The following CNTNAP2 variants were observed in gnomAD, a reference collection of about 807,000 sequenced individuals.
CNTNAP2 encodes contactin-associated protein-like 2.
CNTNAP2 carries 98 observed loss-of-function variants against 155.2 expected under a neutral mutation model. That is an observed-to-expected ratio of 0.63 (90% confidence interval 0.54 to 0.75). The LOEUF (loss-of-function observed/expected upper bound fraction) is 0.75. Among genes scored for constraint, CNTNAP2 ranks in the 30% least tolerant of loss-of-function variants. The pLI is 0.00. For synonymous variants in CNTNAP2, 651 were observed against 631.2 expected (o/e 1.03, Z -0.47); for missense variants, 1,727 against 1,688.1 (o/e 1.02, Z -0.40).
intron 1 of CNTNAP2, among the ~76,000 whole-genome samples, chr7:146,365,195 A>C (rs1157927090): frequency 1.3e-5 from 2 of 152,124 alleles, no homozygotes; most frequent in Non-Finnish European, 2.9e-5. Flanking sequence ...ATTGTGTGTT[A>C]TCATAATCAT....
At chr7:146,716,632 A>G (rs994693941) in intron 1 of CNTNAP2, among the ~76,000 whole-genome samples, 3 of 152,218 alleles carry the variant, frequency 2.0e-5, no homozygotes, top group Admixed American at 6.5e-5. Flanking sequence ...CATTCTATAA[A>G]CCACCTGAGT....
chr7:147,817,453 A>G (rs946838626), intron 13 of CNTNAP2, among the ~76,000 whole-genome samples: 3 of 152,088 alleles, frequency 2.0e-5, no homozygotes, highest in Non-Finnish European at 2.9e-5. Flanking sequence ...TGTTGCTGGG[A>G]TTTGTTTTAA....
intron 18 of CNTNAP2, among the ~76,000 whole-genome samples, chr7:148,196,278 G>A (rs189932076): frequency 2.2e-4 from 34 of 152,322 alleles, no homozygotes; most frequent in Non-Finnish European, 3.8e-4. Context: ...CCATGAAAAT[G>A]CAGTTTGAAT....
intron 1 of CNTNAP2, among the ~76,000 whole-genome samples, chr7:146,475,044 C>T (rs1462196504): frequency 1.3e-5 from 2 of 151,032 alleles, no homozygotes; most frequent in African/African-American, 2.4e-5. Context: ...CACACACGTA[C>T]TTACATATAA....
intron 10 of CNTNAP2, among the ~76,000 whole-genome samples, chr7:147,441,950 C>T (rs1797648543): frequency 6.6e-6 from 1 of 150,800 alleles, no homozygotes; most frequent in Non-Finnish European, 1.5e-5. Context: ...GCAACCACCA[C>T]TAGGTGGACC....
intron 21 of CNTNAP2, among the ~76,000 whole-genome samples, chr7:148,327,391 A>C (rs1585275582): frequency 6.6e-6 from 1 of 152,240 alleles, no homozygotes; most frequent in East Asian, 1.9e-4. Context: ...GTTTGCCAGC[A>C]GCCTCCTCTT....
chr7:147,910,129 A>G (rs970934497), intron 14 of CNTNAP2, among the ~76,000 whole-genome samples: 1 of 152,164 alleles, frequency 6.6e-6, no homozygotes, highest in Non-Finnish European at 1.5e-5. Flanking sequence ...ACTATCCAAC[A>G]CCTAATTCTG....
intron 9 of CNTNAP2, chr7:147,378,045 G>A (rs747569615): frequency 8.6e-6 from 4 of 467,318 alleles, no homozygotes; most frequent in Non-Finnish European, 1.8e-5. Flanking sequence ...TGTTCCAAAA[G>A]TAATTACAGT....
At chr7:147,737,539 C>A (rs1261079547) in intron 13 of CNTNAP2, among the ~76,000 whole-genome samples, 1 of 85,346 alleles carries the variant, frequency 1.2e-5, no homozygotes, top group Non-Finnish European at 3.4e-5. Flanking sequence ...CACTACTCTT[C>A]CAAGCTGTCA....
intron 8 of CNTNAP2, among the ~76,000 whole-genome samples, chr7:147,207,010 AT>A (rs1235881331): frequency 6.6e-6 from 1 of 152,198 alleles, no homozygotes; most frequent in African/African-American, 2.4e-5. Flanking sequence ...TACTGATCTC[AT>A]ATTTGCACCA....
chr7:148,253,379 T>C (rs1033697044), intron 20 of CNTNAP2, among the ~76,000 whole-genome samples: 1 of 152,234 alleles, frequency 6.6e-6, no homozygotes, highest in African/African-American at 2.4e-5. Flanking sequence ...ACACTTATTC[T>C]CCATATTACA....
intron 14 of CNTNAP2, among the ~76,000 whole-genome samples, chr7:147,952,303 GTGGT>G (rs1800948583): frequency 1.3e-5 from 1 of 74,962 alleles, no homozygotes; most frequent in African/African-American, 4.3e-5. Flanking sequence ...TTAGCTGGGT[GTGGT>G]GGTGGATGCC....
At chr7:147,858,862 C>T (rs1799088837) in intron 13 of CNTNAP2, among the ~76,000 whole-genome samples, 1 of 152,160 alleles carries the variant, frequency 6.6e-6, no homozygotes, top group Non-Finnish European at 1.5e-5. Context: ...CTGCTGGCAC[C>T]TGCATTTTGG....
intron 1 of CNTNAP2, among the ~76,000 whole-genome samples, chr7:146,399,817 A>G (rs1015715587): frequency 2.0e-5 from 3 of 152,146 alleles, no homozygotes; most frequent in African/African-American, 7.2e-5. Flanking sequence ...CCCTTGCCAC[A>G]TTCTTGCAAC....
intron 1 of CNTNAP2, among the ~76,000 whole-genome samples, chr7:146,576,463 G>C (rs1798527076): frequency 6.6e-6 from 1 of 152,198 alleles, no homozygotes; most frequent in East Asian, 1.9e-4. Flanking sequence ...GTGAGCAGGA[G>C]TCACAGTGGG....
chr7:147,912,144 A>G (rs1300918611), intron 14 of CNTNAP2, among the ~76,000 whole-genome samples: 1 of 152,214 alleles, frequency 6.6e-6, no homozygotes, highest in Non-Finnish European at 1.5e-5. Context: ...TAACCACAGC[A>G]TTTAAATGGC....
intron 10 of CNTNAP2, among the ~76,000 whole-genome samples, chr7:147,461,370 G>T (rs7794673): frequency 0.016 from 2,455 of 152,166 alleles, 69 homozygotes; most frequent in African/African-American, 0.056. Context: ...ATAATTTGAA[G>T]AGAATAAAAG....
intron 1 of CNTNAP2, among the ~76,000 whole-genome samples, chr7:146,557,037 T>TA (rs1490529562): frequency 6.6e-6 from 1 of 152,120 alleles, no homozygotes; most frequent in Non-Finnish European, 1.5e-5. Flanking sequence ...AGCATCACCT[T>TA]ACAACCGACA....
At chr7:146,578,079 T>C (rs1798552441) in intron 1 of CNTNAP2, among the ~76,000 whole-genome samples, 1 of 152,158 alleles carries the variant, frequency 6.6e-6, no homozygotes, top group Non-Finnish European at 1.5e-5. Context: ...AAATTAGTTA[T>C]TTGTTCCTAA....
Sources: gnomAD v4.1 joint callset for allele counts (sites outside exome capture counted in the v4.1 genomes callset) on GRCh38, gnomAD v4.1.1 for gene constraint, MANE v1.5 for transcripts, NCBI Gene and HGNC (gene_info 2026-07-23, HGNC 2026-07-21) for gene names.